The following TAF2 variants were observed in gnomAD, a reference collection of about 807,000 sequenced individuals.
The protein encoded by TAF2 is TATA-box binding protein associated factor 2.
In TAF2, 61 loss-of-function variants were observed where a neutral mutation model predicts 138.5. That is an observed-to-expected ratio of 0.44 (90% CI 0.36 to 0.54). The LOEUF is 0.54. Among genes scored for constraint, TAF2 ranks in the 20% least tolerant of loss-of-function variants. The probability of loss-of-function intolerance (pLI) is 0.00; values close to 1 mark genes in which losing one functional copy is unlikely to be tolerated. For synonymous variants in TAF2, 475 were observed against 469.9 expected, an observed-to-expected ratio of 1.01 and a Z score of -0.14; for missense variants, 1,090 against 1,427.9, an observed-to-expected ratio of 0.76 and a Z score of 3.81.
intron 22 of TAF2, among the ~76,000 whole-genome samples, chr8:119,750,844 G>A (rs1820301710): frequency 6.6e-6 from 1 of 152,056 alleles, no homozygotes; most frequent in Non-Finnish European, 1.5e-5. Context: ...AAATTATGAT[G>A]TAAATAAACA....
intron 16 of TAF2, among the ~76,000 whole-genome samples, chr8:119,781,449 G>A (rs745958498): frequency 1.1e-4 from 16 of 152,058 alleles, no homozygotes; most frequent in African/African-American, 2.9e-4. Flanking sequence ...AAGCCGAGGC[G>A]GGTGAATCAC....
Position 119,783,711 on chromosome 8 carries a change from A to T in TAF2, c.1860-78T>A, listed in dbSNP as rs1822831141. On this transcript the variant is annotated intron_variant, in intron 15 of 25. Coordinates refer to ENST00000378164, the MANE Select transcript of TAF2 (RefSeq NM_003184.4). ...TATATTTAGAAAATAAATACAAAGCATTTATTTACCAGGTTTCCTTTTAGA... is the reference window on the plus strand; with the variant it reads ...TATATTTAGAAAATAAATACAAAGCTTTTATTTACCAGGTTTCCTTTTAGA... 4 of 1,489,322 alleles carry T rather than the reference A, an allele frequency of 2.7e-6. No homozygotes were observed. The East Asian group carries it at 9.9e-5, about 37-fold the overall frequency. 92.3% of individuals were successfully genotyped at this position (1,489,322 alleles called of 1,614,324 possible).
At chr8:119,789,799 TATAGA>T (rs1177725885) in intron 11 of TAF2, 53 bp from the exon 12 acceptor site, 2 of 1,521,366 alleles carry the variant, frequency 1.3e-6, no homozygotes, top group Non-Finnish European at 1.8e-6. Context: ...TTTTCAATTA[TATAGA>T]ATACTCACTT....
At chr8:119,756,983 G>A (rs1413724596) in intron 21 of TAF2, among the ~76,000 whole-genome samples, 1 of 152,132 alleles carries the variant, frequency 6.6e-6, no homozygotes, top group Non-Finnish European at 1.5e-5. Flanking sequence ...ATATAAGTGA[G>A]GAAGAAAGAA....
chr8:119,732,916 A>C (rs1443193171), intron 25 of TAF2, among the ~76,000 whole-genome samples: 1 of 152,172 alleles, frequency 6.6e-6, no homozygotes, highest in Non-Finnish European at 1.5e-5. Flanking sequence ...ATGACAGTAC[A>C]GTTGACCCTT....
At position 119,832,764 on chromosome 8, in the gene TAF2, A is replaced by C; in HGVS notation, c.-200T>G. ...GACTAGCTCCTAGAAGCCGCCGTCGACAAGCTTCTGTCACAGAGATGCTCC... is the reference window on the plus strand; with the variant it reads ...GACTAGCTCCTAGAAGCCGCCGTCGCCAAGCTTCTGTCACAGAGATGCTCC... On this transcript the variant is annotated 5_prime_UTR_variant, in exon 1 of 26. Coordinates refer to ENST00000378164, the MANE Select transcript of TAF2 (RefSeq NM_003184.4). The C allele has an allele frequency of 2.0e-6, 1 of 511,942 alleles. No individual in the cohort carries two copies. The highest frequency in any genetic ancestry group is 3.1e-5 in the East Asian group (1 of 32,352). The allele number at this position is 511,942 out of a possible 1,614,324, so 31.7% of individuals were successfully genotyped here.
At chr8:119,793,118 T>G (rs959994022) in intron 10 of TAF2, among the ~76,000 whole-genome samples, 1 of 152,088 alleles carries the variant, frequency 6.6e-6, no homozygotes, top group African/African-American at 2.4e-5. Context: ...AAAAAAAAAT[T>G]TTTAATGTGG....
At chr8:119,826,332 T>G (rs1201874355) in intron 2 of TAF2, among the ~76,000 whole-genome samples, 1 of 151,868 alleles carries the variant, frequency 6.6e-6, no homozygotes, top group East Asian at 1.9e-4. Flanking sequence ...TCTTTTTGCC[T>G]GCTGCCATCC....
intron 3 of TAF2, among the ~76,000 whole-genome samples, chr8:119,811,255 G>A (rs1467793133): frequency 6.6e-6 from 1 of 151,926 alleles, no homozygotes; most frequent in Non-Finnish European, 1.5e-5. Context: ...GAATTAATAT[G>A]ATAATCATTT....
intron 4 of TAF2, 128 bp downstream of exon 4, chr8:119,806,155 G>T: frequency 1.2e-6 from 1 of 835,302 alleles, no homozygotes; most frequent in South Asian, 1.3e-5. Context: ...ACCCGCCTCA[G>T]CCTCCCAAAG....
intron 3 of TAF2, among the ~76,000 whole-genome samples, chr8:119,818,794 G>C (rs1396104883): frequency 6.6e-6 from 1 of 150,556 alleles, no homozygotes; most frequent in Non-Finnish European, 1.5e-5. Context: ...GTATGAAATA[G>C]AAGTAGAACA....
In TAF2 at chr8:119,803,785, G is replaced by C. The variant is rs144424612; in HGVS notation, c.560+93C>G. 3.4e-4 allele frequency: 414 copies of C among 1,209,538 alleles called. 1 individual carries two copies. In the African/African-American group the frequency reaches 5.7e-3, roughly 17 times the overall value. 74.9% of individuals were successfully genotyped at this position (1,209,538 alleles called of 1,614,324 possible). ...CTAAATTTGGAAGGGAATAAAACTA[G>C]TATTTCTTGTTTTACACCAAATGTA... On this transcript the variant is annotated intron_variant, in intron 5 of 25. Coordinates refer to ENST00000378164, the MANE Select transcript of TAF2 (RefSeq NM_003184.4).
intron 20 of TAF2, among the ~76,000 whole-genome samples, chr8:119,758,871 C>G (rs531462452): frequency 1.3e-5 from 2 of 152,080 alleles, no homozygotes; most frequent in Admixed American, 1.3e-4. Flanking sequence ...AGCGAAGTGT[C>G]ACAATTAAAT....
At chr8:119,800,542 T>C (rs1824184329) in intron 6 of TAF2, among the ~76,000 whole-genome samples, 1 of 152,242 alleles carries the variant, frequency 6.6e-6, no homozygotes, top group Admixed American at 6.5e-5. Context: ...TTTTGGTTAC[T>C]GTAGCCTTGT....
chr8:119,780,662 G>C (rs938742815), intron 17 of TAF2, among the ~76,000 whole-genome samples: 5 of 152,132 alleles, frequency 3.3e-5, no homozygotes, highest in African/African-American at 1.2e-4. Context: ...GAGGCCGGGC[G>C]CGGTGGCTCA....
chr8:119,795,541 C>A lies in TAF2; in HGVS notation c.1182G>T (p.Trp394Cys). ...KTFGVNEYRH[W>C]IKEELDKIVA... ...ATCTAGCTGTTATTACCTCTTTAAT[C>A]CAATGGCGGTACTCATTAACACCAA... The change falls in exon 9 of 26, where the codon TGG (tryptophan) becomes TGT (cysteine). Residue 394 changes from tryptophan (W) to cysteine (C), a missense_variant. Trp to Cys is a radical substitution (Grantham distance 215). This residue lies in a region of TAF2 where 504 missense variants were observed against 680.9 expected (regional missense o/e 0.74). Transcript: ENST00000378164. 1 of 1,613,348 alleles carries A rather than the reference C, an allele frequency of 6.2e-7. No individual in the cohort carries two copies. The highest frequency in any genetic ancestry group is 1.1e-5 in the South Asian group (1 of 91,066).
chr8:119,747,525 G>A (rs1310982665), intron 22 of TAF2, among the ~76,000 whole-genome samples: 1 of 152,126 alleles, frequency 6.6e-6, no homozygotes, highest in Non-Finnish European at 1.5e-5. Context: ...ACACACTAGA[G>A]GCAAGTTCTT....
intron 2 of TAF2, among the ~76,000 whole-genome samples, chr8:119,819,807 T>C (rs1025606649): frequency 6.6e-6 from 1 of 151,128 alleles, no homozygotes; most frequent in Non-Finnish European, 1.5e-5. Flanking sequence ...CTAAACAGAC[T>C]AGGCCCTAAA....
At chr8:119,749,506 T>C (rs1354096582) in intron 22 of TAF2, among the ~76,000 whole-genome samples, 1 of 152,182 alleles carries the variant, frequency 6.6e-6, no homozygotes, top group Non-Finnish European at 1.5e-5. Context: ...GAATAAAATC[T>C]TAAGATGGTT....
Sources: gnomAD v4.1 joint callset for allele counts (sites outside exome capture counted in the v4.1 genomes callset) on GRCh38, gnomAD v4.1.1 for gene constraint, gnomAD v4.1.1 regional missense constraint, MANE v1.5 for transcripts, NCBI Gene and HGNC (gene_info 2026-07-23, HGNC 2026-07-21) for gene names.